Variants in TC2N observed in about 807,000 individuals in gnomAD.
The protein encoded by TC2N is tandem C2 domains nuclear protein.
TC2N carries 51 observed loss-of-function variants against 61.9 expected under a neutral mutation model. The observed-to-expected ratio is 0.82, with a 90% CI of 0.66 to 1.04. The LOEUF (loss-of-function observed/expected upper bound fraction) is 1.04. Among genes scored for constraint, TC2N ranks in the 50% least tolerant of loss-of-function variants. The pLI is 0.00. For synonymous variants in TC2N, 204 were observed against 192.6 expected (o/e 1.06, Z -0.49); for missense variants, 556 against 566.7 (o/e 0.98, Z 0.19).
At chr14:91,783,305 A>C (rs1417875019) in intron 11 of TC2N, 95 bp from the exon 12 acceptor site, 3 of 643,914 alleles carry the variant, frequency 4.7e-6, no homozygotes, top group Non-Finnish European at 7.9e-6. Flanking sequence ...AGAAATTTGG[A>C]AGTTTGCTTT....
At chr14:91,850,182 T>TAA (rs34391681) in intron 1 of TC2N, among the ~76,000 whole-genome samples, 193 of 147,386 alleles carry the variant, frequency 1.3e-3, no homozygotes, top group African/African-American at 3.1e-3. Context: ...ATCTCTTTCC[T>TAA]AAAAAAAAAA....
rs190480363 is a variant in TC2N, at chr14:91,803,509, G to A, written c.302-1088C>T. Among the ~76,000 whole-genome samples the A allele has an allele frequency of 1.6e-4, 24 of 152,134 alleles. No individual in the cohort carries two copies. In the East Asian group the frequency reaches 4.6e-3, roughly 29 times the overall value. ...ACTCTGTTGCCCAGGCTGGAATGCA[G>A]TGGCATGATCTCGGCTCACTGAAAC... On this transcript the variant is annotated intron_variant, in intron 3 of 11. Transcript: ENST00000435962.
intron 8 of TC2N, among the ~76,000 whole-genome samples, chr14:91,795,783 C>G (rs951616323): frequency 6.6e-6 from 1 of 152,008 alleles, no homozygotes; most frequent in African/African-American, 2.4e-5. Context: ...CTATACTGTG[C>G]CCAAACTGTT....
intron 1 of TC2N, among the ~76,000 whole-genome samples, chr14:91,849,608 A>T (rs1365164256): frequency 1.3e-5 from 2 of 152,240 alleles, no homozygotes; most frequent in Non-Finnish European, 1.5e-5. Flanking sequence ...CTTAAACACA[A>T]GAGATTTAAT....
intron 4 of TC2N, 87 bp from the exon 5 acceptor site, chr14:91,800,459 C>T (rs887932285): frequency 7.9e-6 from 5 of 628,978 alleles, no homozygotes; most frequent in East Asian, 3.3e-5. Flanking sequence ...TGTAGCAATA[C>T]ATCATGAATA....
rs554345939 is a variant in TC2N, at chr14:91,836,911, C to G, written c.-56-23086G>C. Among the ~76,000 whole-genome samples, 9 of 152,334 alleles carry G rather than the reference C, an allele frequency of 5.9e-5. No homozygotes were observed. The South Asian group carries it at 1.9e-3, about 32-fold the overall frequency. Reference sequence around the variant, plus strand: ...TCTGGCGATGTTTATGCACACTTTACTTAGAAGCGGAGTAGTCATGTTGTT... The same window carrying G: ...TCTGGCGATGTTTATGCACACTTTAGTTAGAAGCGGAGTAGTCATGTTGTT... On this transcript the variant is annotated intron_variant, in intron 1 of 11. Coordinates refer to ENST00000435962, the MANE Select transcript of TC2N (RefSeq NM_001128596.3).
At chr14:91,806,356 C>A (rs1054522647) in intron 3 of TC2N, among the ~76,000 whole-genome samples, 7 of 152,100 alleles carry the variant, frequency 4.6e-5, no homozygotes, top group African/African-American at 1.7e-4. Context: ...GAGGTTGGAA[C>A]AGTTTGGAGG....
chr14:91,826,618 T>G (rs1478710962), intron 1 of TC2N, among the ~76,000 whole-genome samples: 8 of 152,182 alleles, frequency 5.3e-5, no homozygotes, highest in Non-Finnish European at 4.4e-5. Flanking sequence ...TGTTATATCT[T>G]CTTTCCATCA....
intron 11 of TC2N, among the ~76,000 whole-genome samples, chr14:91,784,243 G>A (rs1000605042): frequency 2.0e-5 from 3 of 152,054 alleles, no homozygotes; most frequent in Admixed American, 6.6e-5. Context: ...GTTGAGGCTC[G>A]ATGATATACG....
intron 1 of TC2N, among the ~76,000 whole-genome samples, chr14:91,831,577 G>A (rs527736879): frequency 3.1e-4 from 47 of 152,198 alleles, no homozygotes; most frequent in Non-Finnish European, 5.9e-4. Flanking sequence ...CACATGTATG[G>A]AAACTTGATC....
intron 1 of TC2N, among the ~76,000 whole-genome samples, chr14:91,848,167 A>G (rs1033992431): frequency 2.0e-5 from 3 of 152,240 alleles, no homozygotes; most frequent in African/African-American, 4.8e-5. Flanking sequence ...AATCAGGCCT[A>G]TCCCTTAAAT....
At chr14:91,800,045 A>C (rs539397747) in intron 5 of TC2N, among the ~76,000 whole-genome samples, 1 of 152,274 alleles carries the variant, frequency 6.6e-6, no homozygotes, top group East Asian at 1.9e-4. Context: ...CCCTGAGAGC[A>C]TACCAACTGA....
chr14:91,807,038 G>T (rs2139853997), intron 3 of TC2N, among the ~76,000 whole-genome samples: 1 of 152,334 alleles, frequency 6.6e-6, no homozygotes, highest in South Asian at 2.1e-4. Flanking sequence ...TGGCTTCAGA[G>T]GGTGGAAGCC....
intron 1 of TC2N, among the ~76,000 whole-genome samples, chr14:91,850,767 C>T (rs763805944): frequency 2.0e-5 from 3 of 152,150 alleles, no homozygotes; most frequent in South Asian, 2.1e-4. Flanking sequence ...CCCTTCTCTA[C>T]TAAAAATACA....
intron 7 of TC2N, 147 bp from the exon 8 acceptor site, chr14:91,798,048 A>T: frequency 1.7e-6 from 1 of 583,636 alleles, no homozygotes; most frequent in Non-Finnish European, 3.0e-6. Flanking sequence ...ACATTAAGCA[A>T]ATTTTGACAT....
At chr14:91,809,871 A>G (rs1886687141) in intron 3 of TC2N, among the ~76,000 whole-genome samples, 1 of 152,218 alleles carries the variant, frequency 6.6e-6, no homozygotes, top group African/African-American at 2.4e-5. Flanking sequence ...TCTGTAGTTT[A>G]AGTCCAACCA....
intron 1 of TC2N, among the ~76,000 whole-genome samples, chr14:91,826,340 A>G (rs1887500605): frequency 6.8e-6 from 1 of 147,706 alleles, no homozygotes; most frequent in African/African-American, 2.5e-5. Flanking sequence ...AAAAAGCAGG[A>G]AAAAAATATG....
intron 1 of TC2N, among the ~76,000 whole-genome samples, chr14:91,845,404 C>T (rs1045406857): frequency 6.6e-6 from 1 of 152,054 alleles, no homozygotes; most frequent in African/African-American, 2.4e-5. Flanking sequence ...GAACCCAAAG[C>T]TATGTGTGAC....
intron 1 of TC2N, among the ~76,000 whole-genome samples, chr14:91,840,890 A>G (rs1025529781): frequency 1.3e-5 from 2 of 151,614 alleles, no homozygotes; most frequent in African/African-American, 4.8e-5. Flanking sequence ...CCACCAGGAG[A>G]ACTAATCATG....
Sources: gnomAD v4.1 joint callset for allele counts (sites outside exome capture counted in the v4.1 genomes callset) on GRCh38, gnomAD v4.1.1 for gene constraint, MANE v1.5 for transcripts, NCBI Gene and HGNC (gene_info 2026-07-23, HGNC 2026-07-21) for gene names.